PEX5L: variants seen among roughly 807,000 people sequenced by gnomAD.
PEX5L encodes peroxisomal biogenesis factor 5 like, also known as PEX5-related protein.
Under a neutral mutation model 84.0 loss-of-function variants are expected in PEX5L, and 30 were observed. That is an observed-to-expected ratio of 0.36 (90% CI 0.27 to 0.48). PEX5L has a LOEUF of 0.48. Among genes scored for constraint, PEX5L ranks in the 20% least tolerant of loss-of-function variants. The probability of loss-of-function intolerance (pLI) is 0.99; values close to 1 mark genes in which losing one functional copy is unlikely to be tolerated. For missense variants in PEX5L, 533 were observed against 754.6 expected, an observed-to-expected ratio of 0.71 and a Z score of 3.44; for synonymous variants, 270 against 283.1, an observed-to-expected ratio of 0.95 and a Z score of 0.46.
intron 1 of PEX5L, among the ~76,000 whole-genome samples, chr3:180,001,899 C>A (rs972600618): frequency 4.6e-5 from 7 of 152,050 alleles, no homozygotes; most frequent in Admixed American, 3.9e-4. Context: ...TAGTCATAGC[C>A]AAACACACAT....
intron 2 of PEX5L, among the ~76,000 whole-genome samples, chr3:179,969,307 A>C (rs10804882): frequency 0.23 from 35,433 of 152,020 alleles, 4,434 homozygotes; most frequent in East Asian, 0.51. Context: ...ATAAACTGAA[A>C]ATAAAGATTC....
rs771478520 is a variant in PEX5L at position 179,800,612 on chromosome 3, A to G, written c.*1216T>C. The G allele has an allele frequency of 1.3e-5, 2 of 152,238 alleles. No homozygotes were observed. The highest frequency in any genetic ancestry group is 2.9e-5 in the Non-Finnish European group (2 of 68,036). The allele number at this position is 152,238 out of a possible 1,614,324, so 9.4% of individuals were successfully genotyped here. ...TTCCCAATACTTGCTAAATGTTCAA[A>G]GAGCCAAAGAGGCATGCATCTTTCA... On this transcript the variant is annotated 3_prime_UTR_variant, in exon 15 of 15. Transcript: ENST00000467460.
At position 180,024,383 on chromosome 3, in the gene PEX5L, A is replaced by AC. The variant is rs1252297183; in HGVS notation, c.21+12195_21+12196insG. On this transcript the variant is annotated intron_variant, in intron 1 of 14. Transcript: ENST00000467460. ...ATATATATATATATATACACACACA[A>AC]AAAAAAAAAAAATTAGCCGTGCGTG... Among the ~76,000 whole-genome samples, 389 of 109,576 alleles carry AC rather than the reference A, an allele frequency of 3.6e-3. 4 individuals are homozygous for AC. Among genetic ancestry groups the AC allele is most frequent in the South Asian group, 6.7e-3 (22 of 3,282 alleles). 71.9% of individuals were successfully genotyped at this position (109,576 alleles called of 152,430 possible). A position where few individuals can be genotyped will look rare whatever the true frequency, so the allele number is the denominator to read the frequency against.
Position 179,971,624 on chromosome 3 carries a change from T to C in PEX5L, c.63A>G (p.Glu21=). 1 of 1,608,760 alleles carries C rather than the reference T, an allele frequency of 6.2e-7. No homozygotes were observed. Among genetic ancestry groups the C allele is most frequent in the Non-Finnish European group, 8.5e-7 (1 of 1,177,744 alleles). Residue 21 remains glutamate, a synonymous_variant, in exon 2 of 15, where the codon GAA becomes GAG. Coordinates refer to ENST00000467460, the MANE Select transcript of PEX5L (RefSeq NM_016559.3). ...TTTGATCAACAATTATTTCGAGGTC[T>C]TCATCACTGCTTAGTTTTCCATATC... ...EQGYGKLSSD[E]DLEIIVDQKQ...
intron 1 of PEX5L, among the ~76,000 whole-genome samples, chr3:180,010,748 G>T (rs1271514160): frequency 6.6e-6 from 1 of 151,926 alleles, no homozygotes; most frequent in East Asian, 1.9e-4. Context: ...TTCATTAGAA[G>T]ACTTCAATAA....
chr3:179,825,157 T>C (rs1729969436), intron 8 of PEX5L, among the ~76,000 whole-genome samples: 1 of 152,102 alleles, frequency 6.6e-6, no homozygotes, highest in Non-Finnish European at 1.5e-5. Context: ...TGATGAAGAA[T>C]GGGTAAAGGA....
intron 2 of PEX5L, among the ~76,000 whole-genome samples, chr3:179,971,335 C>T (rs1483953394): frequency 6.6e-6 from 1 of 152,074 alleles, no homozygotes; most frequent in Admixed American, 6.6e-5. Flanking sequence ...TCAAGAGATG[C>T]CTTTAATTTT....
chr3:179,898,281 A>T, intron 2 of PEX5L, 35 bp from the exon 3 acceptor site: 1 of 1,390,022 alleles, frequency 7.2e-7, no homozygotes, highest in Non-Finnish European at 1.0e-6. Context: ...CTGTGTCAGG[A>T]GAGATCTTTA....
At chr3:179,871,253 C>G (rs1323145957) in intron 7 of PEX5L, among the ~76,000 whole-genome samples, 1 of 152,036 alleles carries the variant, frequency 6.6e-6, no homozygotes, top group East Asian at 1.9e-4. Flanking sequence ...CAGGCATGCA[C>G]CACCAGGCCT....
chr3:179,959,615 G>A (rs990003702), intron 2 of PEX5L, among the ~76,000 whole-genome samples: 1 of 151,842 alleles, frequency 6.6e-6, no homozygotes, highest in Non-Finnish European at 1.5e-5. Flanking sequence ...TTCAAAAGCA[G>A]CATTCTATCT....
rs1361041905 is a variant in PEX5L at position 179,986,488 on chromosome 3, C to T, written c.22-14823G>A. Among the ~76,000 whole-genome samples, 14 of 150,930 alleles carry T rather than the reference C, an allele frequency of 9.3e-5. 1 individual carries two copies. Among genetic ancestry groups the T allele is most frequent in the African/African-American group, 1.7e-4 (7 of 41,128 alleles). On this transcript the variant is annotated intron_variant, in intron 1 of 14. Transcript: ENST00000467460. Reference sequence around the variant, plus strand: ...CGCGATCTCGGCTCACCGCAAGCTCCGCCTCCCGGGTTCACGCCATTCTCC... The same window carrying T: ...CGCGATCTCGGCTCACCGCAAGCTCTGCCTCCCGGGTTCACGCCATTCTCC...
intron 7 of PEX5L, 68 bp from the exon 8 acceptor site, chr3:179,859,225 C>T: frequency 3.5e-6 from 4 of 1,157,530 alleles, no homozygotes; most frequent in South Asian, 1.3e-5. Flanking sequence ...TATACAGGTG[C>T]TTTTCCTTTT....
chr3:180,004,665 A>G (rs573130021), intron 1 of PEX5L, among the ~76,000 whole-genome samples: 1 of 152,284 alleles, frequency 6.6e-6, no homozygotes, highest in Non-Finnish European at 1.5e-5. Context: ...ATTTATGTTA[A>G]AAAATGACAT....
intron 6 of PEX5L, among the ~76,000 whole-genome samples, chr3:179,875,142 T>C (rs1751907517): frequency 1.4e-5 from 1 of 69,642 alleles, no homozygotes; most frequent in South Asian, 8.8e-4. Context: ...TAAGAATCTC[T>C]CAAAATGCTT....
intron 1 of PEX5L, among the ~76,000 whole-genome samples, chr3:180,031,403 C>T (rs1487834149): frequency 1.3e-5 from 2 of 152,066 alleles, no homozygotes; most frequent in Admixed American, 1.3e-4. Context: ...GAAACATAAC[C>T]CCCACTTCAT....
At chr3:179,910,253 C>T (rs1310626605) in intron 2 of PEX5L, among the ~76,000 whole-genome samples, 1 of 152,142 alleles carries the variant, frequency 6.6e-6, no homozygotes, top group Non-Finnish European at 1.5e-5. Flanking sequence ...GAAGATTGTA[C>T]CTCAAGTGGT....
chr3:179,875,551 G>A, intron 5 of PEX5L, 74 bp from the exon 6 acceptor site: 2 of 995,400 alleles, frequency 2.0e-6, no homozygotes, highest in Non-Finnish European at 3.1e-6. Context: ...CGGGGAGTGG[G>A]GTGAGGGTGG....
chr3:179,987,848 A>G (rs1027940327), intron 1 of PEX5L, among the ~76,000 whole-genome samples: 1 of 152,226 alleles, frequency 6.6e-6, no homozygotes, highest in African/African-American at 2.4e-5. Flanking sequence ...GGATACAGAA[A>G]AAGAATGACT....
intron 1 of PEX5L, among the ~76,000 whole-genome samples, chr3:180,019,616 A>T (rs57729381): frequency 0.18 from 27,267 of 152,140 alleles, 2,557 homozygotes; most frequent in African/African-American, 0.24. Flanking sequence ...ACCAAAGGCA[A>T]TTCACAATTC....
Sources: gnomAD v4.1 joint callset for allele counts (sites outside exome capture counted in the v4.1 genomes callset) on GRCh38, gnomAD v4.1.1 for gene constraint, MANE v1.5 for transcripts, NCBI Gene and HGNC (gene_info 2026-07-23, HGNC 2026-07-21) for gene names.